GRK3: variants seen among roughly 807,000 people sequenced by gnomAD.
GRK3 encodes G protein-coupled receptor kinase 3.
GRK3 carries 54 observed loss-of-function variants against 95.7 expected under a neutral mutation model. That is an observed-to-expected ratio of 0.56 (90% CI 0.45 to 0.71). GRK3 has a LOEUF of 0.71. GRK3 is among the 30% of genes least tolerant of loss of function. The probability of loss-of-function intolerance (pLI) is 0.00; values close to 1 mark genes in which losing one functional copy is unlikely to be tolerated. For synonymous variants in GRK3, 281 were observed against 290.8 expected (o/e 0.97, Z 0.34); for missense variants, 649 against 851.2 (o/e 0.76, Z 2.96).
At chr22:25,568,666 A>G (rs1353283627) in intron 1 of GRK3, among the ~76,000 whole-genome samples, 1 of 152,198 alleles carries the variant, frequency 6.6e-6, no homozygotes. Flanking sequence ...CCCTTCCTTC[A>G]TGGAGCTTAT....
At position 25,725,197 on chromosome 22, in the gene GRK3, T is replaced by G. The variant is rs1190957653; in HGVS notation, c.*2747T>G. 1 of 180,664 alleles carries G rather than the reference T, an allele frequency of 5.5e-6. No individual in the cohort carries two copies. Among genetic ancestry groups the G allele is most frequent in the African/African-American group, 2.3e-5 (1 of 42,840 alleles). 11.2% of individuals were successfully genotyped at this position (180,664 alleles called of 1,614,324 possible). On this transcript the variant is annotated 3_prime_UTR_variant, in exon 21 of 21. Transcript: ENST00000324198. Reference sequence around the variant, plus strand: ...TACATAATTCCTAGATGTTCACCCTTATTACACTCCAACTATTAAAAAGGT... The same window carrying G: ...TACATAATTCCTAGATGTTCACCCTGATTACACTCCAACTATTAAAAAGGT...
At chr22:25,624,089 C>T (rs2084608450) in intron 2 of GRK3, among the ~76,000 whole-genome samples, 1 of 152,164 alleles carries the variant, frequency 6.6e-6, no homozygotes, top group African/African-American at 2.4e-5. Context: ...GTTCCTGTCA[C>T]TCAGGTACCC....
chr22:25,703,259 C>T lies in GRK3; in HGVS notation c.1161-251C>T, dbSNP rs147385821. Reference sequence around the variant, plus strand: ...TCTAATGATGTTTCCATTGGAACAGCGTATTTTAGGGCCACAAGTTCACTG... The same window carrying T: ...TCTAATGATGTTTCCATTGGAACAGTGTATTTTAGGGCCACAAGTTCACTG... On this transcript the variant is annotated intron_variant, in intron 13 of 20. Coordinates refer to ENST00000324198, the MANE Select transcript of GRK3 (RefSeq NM_005160.4). Among the ~76,000 whole-genome samples the T allele has an allele frequency of 5.1e-4, 77 of 152,218 alleles. No individual in the cohort carries two copies. The East Asian group carries it at 0.011, about 22-fold the overall frequency.
intron 9 of GRK3, 95 bp from the exon 10 acceptor site, chr22:25,685,075 A>G (rs1336137062): frequency 1.0e-5 from 8 of 803,166 alleles, no homozygotes; most frequent in Non-Finnish European, 1.5e-5. Context: ...TAAAAAATAA[A>G]GTAATTTTAA....
chr22:25,609,311 C>A (rs1438909439), intron 2 of GRK3, among the ~76,000 whole-genome samples: 1 of 151,832 alleles, frequency 6.6e-6, no homozygotes, highest in Non-Finnish European at 1.5e-5. Context: ...ATGTTTGAAA[C>A]TATAAGAAGA....
In GRK3 at chr22:25,725,550, C is replaced by G. The variant is rs1277444944; in HGVS notation, c.*3100C>G. The G allele has an allele frequency of 2.5e-6, 1 of 398,550 alleles. No individual in the cohort carries two copies. The highest frequency in any genetic ancestry group is 4.4e-5 in the Admixed American group (1 of 22,734). The allele number at this position is 398,550 out of a possible 1,614,324, so 24.7% of individuals were successfully genotyped here. ...GTCATATTTAAGTATGATTTTTCAA[C>G]AAAACTTCTAGAAGTCAGCTTATTA... On this transcript the variant is annotated 3_prime_UTR_variant, in exon 21 of 21. Transcript: ENST00000324198.
chr22:25,669,352 G>C (rs1017180731), intron 6 of GRK3, among the ~76,000 whole-genome samples: 2 of 152,174 alleles, frequency 1.3e-5, no homozygotes, highest in African/African-American at 4.8e-5. Context: ...ATTGGAGAGG[G>C]CAGTGGAGGC....
At position 25,721,394 on chromosome 22, in the gene GRK3, T is replaced by C; in HGVS notation, c.1902T>C (p.Cys634=). The C allele has an allele frequency of 6.5e-7, 1 of 1,534,276 alleles. No individual in the cohort carries two copies. Residue 634 remains cysteine, a synonymous_variant, in exon 20 of 21, where the codon TGT becomes TGC. Coordinates refer to ENST00000324198, the MANE Select transcript of GRK3 (RefSeq NM_005160.4). The part of the protein sequence containing the change: ...IKGGKQFVLQ[C]ESDPEFVQWK... ...GAGGGAAACAATTTGTCTTGCAATG[T>C]GAGGTGAGTTTTTATTTTTTCTTAG...
intron 17 of GRK3, among the ~76,000 whole-genome samples, chr22:25,711,642 A>G (rs2085344561): frequency 6.6e-6 from 1 of 151,938 alleles, no homozygotes; most frequent in Admixed American, 6.6e-5. Flanking sequence ...TTTTGTTCAT[A>G]TCGTTATTCC....
Position 25,565,112 on chromosome 22 carries a change from G to T in GRK3, c.72G>T (p.Pro24=), listed in dbSNP as rs762701145. 8 of 1,548,418 alleles carry T rather than the reference G, an allele frequency of 5.2e-6. No individual in the cohort carries two copies. Among genetic ancestry groups the T allele is most frequent in the Non-Finnish European group, 6.1e-6 (7 of 1,151,088 alleles). The change falls in exon 1 of 21, where the codon CCG becomes CCT. Residue 24 remains proline, a synonymous_variant. Coordinates refer to ENST00000324198, the MANE Select transcript of GRK3 (RefSeq NM_005160.4). The part of the protein sequence containing the change: ...LMAMEKSKAT[P]AARASKRIVL... ...CCATGGAGAAGAGCAAGGCGACCCC[G>T]GCCGCCCGCGCCAGCAAGAGGATCG...
chr22:25,613,571 G>T (rs2146349429), intron 2 of GRK3, among the ~76,000 whole-genome samples: 2 of 149,056 alleles, frequency 1.3e-5, no homozygotes, highest in South Asian at 4.4e-4. Flanking sequence ...GAGCCTGGGG[G>T]ACTTAGGGTC....
At chr22:25,593,065 A>T (rs950894069) in intron 1 of GRK3, among the ~76,000 whole-genome samples, 1 of 151,744 alleles carries the variant, frequency 6.6e-6, no homozygotes, top group African/African-American at 2.4e-5. Flanking sequence ...TCCACCATTG[A>T]TGGGCATGTA....
chr22:25,670,978 C>A (rs1340560905), intron 6 of GRK3, among the ~76,000 whole-genome samples: 3 of 151,190 alleles, frequency 2.0e-5, no homozygotes, highest in Non-Finnish European at 2.9e-5. Context: ...GGCATGAACC[C>A]GGGAGGCGGA....
At chr22:25,721,498 C>A in intron 20 of GRK3, 101 bp downstream of exon 20, 1 of 691,390 alleles carries the variant, frequency 1.4e-6, no homozygotes, top group Non-Finnish European at 2.5e-6. Context: ...TGTTTTATCA[C>A]TTACAAACTT....
In GRK3 at chr22:25,614,964, G is replaced by A. The variant is rs78239346; in HGVS notation, c.190+10511G>A. Among the ~76,000 whole-genome samples, 653 of 152,288 alleles carry A rather than the reference G, an allele frequency of 4.3e-3. 5 individuals carry two copies. The highest frequency in any genetic ancestry group is 0.014 in the African/African-American group (593 of 41,540). ...CCCTGCAAAAGATGGACAGCAAAATGTGTGTGGAAGTGCACAGACCTCTGA... is the reference window on the plus strand; with the variant it reads ...CCCTGCAAAAGATGGACAGCAAAATATGTGTGGAAGTGCACAGACCTCTGA... On this transcript the variant is annotated intron_variant, in intron 2 of 20. Coordinates refer to ENST00000324198, the MANE Select transcript of GRK3 (RefSeq NM_005160.4).
At chr22:25,594,261 A>G (rs1381350879) in intron 1 of GRK3, among the ~76,000 whole-genome samples, 5 of 152,112 alleles carry the variant, frequency 3.3e-5, no homozygotes, top group Admixed American at 3.3e-4. Flanking sequence ...ATTTGTGTGT[A>G]TGTATCATCT....
chr22:25,638,825 T>C (rs949826710), intron 2 of GRK3, among the ~76,000 whole-genome samples: 1 of 152,248 alleles, frequency 6.6e-6, no homozygotes, highest in Non-Finnish European at 1.5e-5. Flanking sequence ...ATTGGAGTTC[T>C]GGCTGCCTTG....
At position 25,648,509 on chromosome 22, in the gene GRK3, A is replaced by G. The variant is rs2084803772; in HGVS notation, c.264+3844A>G. The G allele has an allele frequency of 1.1e-5, 16 of 1,453,090 alleles. No homozygotes were observed. The Admixed American group carries it at 2.2e-4, about 20-fold the overall frequency. The allele number at this position is 1,453,090 out of a possible 1,614,324, so 90.0% of individuals were successfully genotyped here. ...GAATATGGAATGGAACCACAAAAGTAGCAATCAAAACACTAAAACCAGGTA... is the reference window on the plus strand; with the variant it reads ...GAATATGGAATGGAACCACAAAAGTGGCAATCAAAACACTAAAACCAGGTA... On this transcript the variant is annotated intron_variant, in intron 3 of 20. Coordinates refer to ENST00000324198, the MANE Select transcript of GRK3 (RefSeq NM_005160.4).
In GRK3 at chr22:25,728,547, C is replaced by T. The variant is rs1343731004; in HGVS notation, c.*6097C>T. On this transcript the variant is annotated 3_prime_UTR_variant, in exon 21 of 21. Coordinates refer to ENST00000324198, the MANE Select transcript of GRK3 (RefSeq NM_005160.4). ...CAACTGGACAGCATCATTCCTTCCCCTTATTGTGCCAAATCCCCACCATCA... is the reference window on the plus strand; with the variant it reads ...CAACTGGACAGCATCATTCCTTCCCTTTATTGTGCCAAATCCCCACCATCA... 6.6e-6 allele frequency: 1 copy of T among 152,194 alleles called. No individual in the cohort carries two copies. Among genetic ancestry groups the T allele is most frequent in the Non-Finnish European group, 1.5e-5 (1 of 68,034 alleles). 9.4% of individuals were successfully genotyped at this position (152,194 alleles called of 1,614,324 possible).
Sources: gnomAD v4.1 joint callset for allele counts (sites outside exome capture counted in the v4.1 genomes callset) on GRCh38, gnomAD v4.1.1 for gene constraint, MANE v1.5 for transcripts, NCBI Gene and HGNC (gene_info 2026-07-23, HGNC 2026-07-21) for gene names.